SLFNL1: variants seen among roughly 807,000 people sequenced by gnomAD.
SLFNL1 encodes the protein schlafen like 1, also known as schlafen-like protein 1.
A neutral mutation model predicts 32.5 loss-of-function variants in SLFNL1; 26 were observed. The ratio of observed to expected loss-of-function variants is 0.80; its 90% CI spans 0.59 to 1.11. The LOEUF (loss-of-function observed/expected upper bound fraction) is 1.11. Among genes scored for constraint, SLFNL1 ranks in the 50% least tolerant of loss-of-function variants. The probability of loss-of-function intolerance (pLI) is 0.00; values close to 1 mark genes in which losing one functional copy is unlikely to be tolerated. For missense variants in SLFNL1, 553 were observed against 546.5 expected (o/e 1.01, Z -0.12); for synonymous variants, 255 against 242.2 (o/e 1.05, Z -0.49).
rs762865549 is a variant in SLFNL1 at position 41,017,563 on chromosome 1, G to C, written c.957+72C>G. 44 of 1,497,944 alleles carry C rather than the reference G, an allele frequency of 2.9e-5. No individual in the cohort carries two copies. The highest frequency in any genetic ancestry group is 3.8e-5 in the Non-Finnish European group (43 of 1,122,064). 92.8% of individuals were successfully genotyped at this position (1,497,944 alleles called of 1,614,324 possible). A position where few individuals can be genotyped will look rare whatever the true frequency, so the allele number is the denominator to read the frequency against. On this transcript the variant is annotated intron_variant, in intron 4 of 5. Coordinates refer to ENST00000302946, the MANE Select transcript of SLFNL1 (RefSeq NM_144990.4). The surrounding 1 kb of genome is among the most constrained non-coding windows in gnomAD (Gnocchi z 4.9). Reference sequence around the variant, plus strand: ...TCCCTGCCCCAGCACTGCCTGGCAGGAGTGCAGGCCATCGTCTTACTGAGT... The same window carrying C: ...TCCCTGCCCCAGCACTGCCTGGCAGCAGTGCAGGCCATCGTCTTACTGAGT...
intron 1 of SLFNL1, 127 bp from the exon 2 acceptor site, chr1:41,020,997 C>A: frequency 3.7e-6 from 1 of 270,208 alleles, no homozygotes; most frequent in Non-Finnish European, 7.1e-6. Context: ...ATTTCAGTGG[C>A]CCCAGGGGTC....
intron 3 of SLFNL1, among the ~76,000 whole-genome samples, chr1:41,019,407 C>T (rs540591243): frequency 1.3e-4 from 20 of 152,248 alleles, no homozygotes; most frequent in Admixed American, 1.3e-3. Context: ...GTGACCTATC[C>T]TAACGTCCCA....
Position 41,017,324 on chromosome 1 carries a change from G to C in SLFNL1, c.1011C>G (p.Tyr337Ter). 2 of 1,613,930 alleles carry C rather than the reference G, an allele frequency of 1.2e-6. No homozygotes were observed. Among genetic ancestry groups the C allele is most frequent in the Non-Finnish European group, 1.7e-6 (2 of 1,179,954 alleles). ...GAAACACCTCCCCCTGGTCTGTCTGGTAGAGTTGCGGCTGGCTCTGGGCCT... is the reference window on the plus strand; with the variant it reads ...GAAACACCTCCCCCTGGTCTGTCTGCTAGAGTTGCGGCTGGCTCTGGGCCT... ...TPKAQSQPQL[Y>*]QTDQGEVFLR... is the part of the protein sequence containing the mutation. Residue 337 changes from tyrosine (Y) to a stop codon, truncating the protein, a stop_gained, in exon 5 of 6, where the codon TAC becomes TAG. Coordinates refer to ENST00000302946, the MANE Select transcript of SLFNL1 (RefSeq NM_144990.4). LOFTEE classifies it high-confidence loss of function. This position sits in a 1 kb window ranked among gnomAD's most constrained non-coding sequence, Gnocchi z 4.9.
Position 41,020,310 on chromosome 1 carries a change from C to T in SLFNL1, c.351G>A (p.Glu117=), listed in dbSNP as rs199935090. 5.0e-6 allele frequency: 8 copies of T among 1,613,626 alleles called. No individual in the cohort carries two copies. The highest frequency in any genetic ancestry group is 6.8e-6 in the Non-Finnish European group (8 of 1,180,020). Residue 117 remains glutamate (E), a synonymous_variant, in exon 3 of 6, where the codon GAG becomes GAA. Coordinates refer to ENST00000302946, the MANE Select transcript of SLFNL1 (RefSeq NM_144990.4). ...CCAGCTCCTTGAGGATTAGGTGCTC[C>T]TCCAGGGCCGTCTGCAGGCGCCAGG... ...SLPWRLQTAL[E]EHLILKELAA...
rs150541088 is a variant in SLFNL1 at position 41,017,865 on chromosome 1, C to T, written c.727G>A (p.Val243Met). ...AGGAAGGCGCACACGTAGCGCCGCACGTGGTGCTTGAAGGCCAGGCTGAGG... is the reference window on the plus strand; with the variant it reads ...AGGAAGGCGCACACGTAGCGCCGCATGTGGTGCTTGAAGGCCAGGCTGAGG... ...EYLSLAFKHH[V>M]RRYVCAFLNS... The change falls in exon 4 of 6, where the codon GTG becomes ATG. Residue 243 changes from valine (V) to methionine (M), a missense_variant. By Grantham distance (21) the Val-to-Met change is conservative. Transcript: ENST00000302946. The surrounding 1 kb of genome is among the most constrained non-coding windows in gnomAD (Gnocchi z 4.9). The T allele has an allele frequency of 5.9e-5, 95 of 1,606,634 alleles. No homozygotes were observed. The East Asian group carries it at 1.5e-3, about 25-fold the overall frequency.
rs888762332 is a variant in SLFNL1, at chr1:41,015,956, T to G, written c.*150A>C. 9.3e-7 allele frequency: 1 copy of G among 1,077,880 alleles called. No individual in the cohort carries two copies. The allele number at this position is 1,077,880 out of a possible 1,614,324, so 66.8% of individuals were successfully genotyped here. ...TGGGTCTGTCAGGGTTGAAGCCACA[T>G]GGGTGCCTGCTCATGTGCCATGTTG... On this transcript the variant is annotated 3_prime_UTR_variant, in exon 6 of 6. Transcript: ENST00000302946.
At position 41,017,945 on chromosome 1, in the gene SLFNL1, G is replaced by C; in HGVS notation, c.647C>G (p.Ala216Gly). ...IVGKDQLFQG[A>G]FLGSETRNME... ...ATTGCGGGTCTCGCTGCCCAGGAAG[G>C]CACCCTGGAAGAGCTGGTCCTTGCC... is the stretch of plus-strand genomic sequence containing the variant. The change falls in exon 4 of 6, where the codon GCC becomes GGC. Residue 216 changes from alanine to glycine, a missense_variant. Transcript: ENST00000302946. The surrounding 1 kb of genome is among the most constrained non-coding windows in gnomAD (Gnocchi z 4.9). The C allele has an allele frequency of 1.2e-6, 2 of 1,612,116 alleles. No individual in the cohort carries two copies. The highest frequency in any genetic ancestry group is 1.3e-5 in the African/African-American group (1 of 75,054).
At chr1:41,019,445 A>G (rs1402960976) in intron 3 of SLFNL1, among the ~76,000 whole-genome samples, 3 of 152,126 alleles carry the variant, frequency 2.0e-5, no homozygotes. Flanking sequence ...CCAGCAGTTC[A>G]GCCTTGCCTT....
At chr1:41,020,136 C>G in intron 3 of SLFNL1, 90 bp downstream of exon 3, 1 of 1,338,398 alleles carries the variant, frequency 7.5e-7, no homozygotes, top group East Asian at 2.3e-5. Context: ...CCAGAGACAC[C>G]CCTCCATCCC....
chr1:41,020,146 CCA>C (rs1643718860), intron 3 of SLFNL1, 78 bp downstream of exon 3: 1 of 1,420,228 alleles, frequency 7.0e-7, no homozygotes, highest in African/African-American at 1.4e-5. Flanking sequence ...CCCTCCATCC[CCA>C]CTCTGCAGGC....
chr1:41,017,895 C>T lies in SLFNL1; in HGVS notation c.697G>A (p.Glu233Lys), dbSNP rs201917045. 511 of 1,610,616 alleles carry T rather than the reference C, an allele frequency of 3.2e-4. No individual in the cohort carries two copies. Among genetic ancestry groups the T allele is most frequent in the Non-Finnish European group, 4.2e-4 (498 of 1,178,004 alleles). ...RNMEFKRGSG[E>K]YLSLAFKHHV... ...TGCTTGAAGGCCAGGCTGAGGTACT[C>T]GCCGCTACCCCGCTTGAACTCCATA... The change falls in exon 4 of 6, where the codon GAG (glutamate) becomes AAG (lysine). Residue 233 changes from glutamate to lysine, a missense_variant. Coordinates refer to ENST00000302946, the MANE Select transcript of SLFNL1 (RefSeq NM_144990.4). This position sits in a 1 kb window ranked among gnomAD's most constrained non-coding sequence, Gnocchi z 4.9.
chr1:41,017,295 C>T lies in SLFNL1; in HGVS notation c.1040G>A (p.Arg347Gln), dbSNP rs374565633. The T allele has an allele frequency of 2.4e-5, 38 of 1,612,744 alleles. No individual in the cohort carries two copies. The highest frequency in any genetic ancestry group is 7.7e-5 in the South Asian group (7 of 90,860). Residue 347 changes from arginine to glutamine, a missense_variant, in exon 5 of 6, where the codon CGG becomes CAG. Coordinates refer to ENST00000302946, the MANE Select transcript of SLFNL1 (RefSeq NM_144990.4). The surrounding 1 kb of genome is among the most constrained non-coding windows in gnomAD (Gnocchi z 4.9). ...YQTDQGEVFL[R>Q]RDGSIQGPLS... ...CGGGCCCTGGATGCTCCCGTCGCGCCGCAGAAACACCTCCCCCTGGTCTGT... is the reference window on the plus strand; with the variant it reads ...CGGGCCCTGGATGCTCCCGTCGCGCTGCAGAAACACCTCCCCCTGGTCTGT...
At position 41,020,568 on chromosome 1, in the gene SLFNL1, C is replaced by T. The variant is rs1290023989; in HGVS notation, c.93G>A (p.Glu31=). 2 of 1,613,414 alleles carry T rather than the reference C, an allele frequency of 1.2e-6. No homozygotes were observed. Among genetic ancestry groups the T allele is most frequent in the African/African-American group, 1.3e-5 (1 of 74,928 alleles). The change falls in exon 3 of 6, where the codon GAG becomes GAA. Residue 31 remains glutamate, a synonymous_variant. Transcript: ENST00000302946. ...GEESLPELPA[E]QSLTEYSDLE... is the part of the protein sequence containing the mutation. ...GGTCAGAGTACTCCGTCAGGGACTGCTCTGCGGGTAGCTCCGGCAGGGACT... is the reference window on the plus strand; with the variant it reads ...GGTCAGAGTACTCCGTCAGGGACTGTTCTGCGGGTAGCTCCGGCAGGGACT...
rs1157977676 is a variant in SLFNL1 at position 41,020,307 on chromosome 1, C to T, written c.354G>A (p.Glu118=). Residue 118 remains glutamate, a synonymous_variant, in exon 3 of 6, where the codon GAG becomes GAA. Transcript: ENST00000302946. ...CTGCCAGCTCCTTGAGGATTAGGTG[C>T]TCCTCCAGGGCCGTCTGCAGGCGCC... is the stretch of plus-strand genomic sequence containing the variant. ...LPWRLQTALE[E]HLILKELAAR... 6.2e-7 allele frequency: 1 copy of T among 1,613,560 alleles called. No homozygotes were observed. Among genetic ancestry groups the T allele is most frequent in the Non-Finnish European group, 8.5e-7 (1 of 1,179,972 alleles).
At chr1:41,018,989 G>A (rs1388665081) in intron 3 of SLFNL1, among the ~76,000 whole-genome samples, 3 of 151,802 alleles carry the variant, frequency 2.0e-5, no homozygotes, top group African/African-American at 4.8e-5. Flanking sequence ...ACAGGGGCCC[G>A]CCACCACGCC....
Position 41,016,141 on chromosome 1 carries a change from G to A in SLFNL1, c.1189C>T (p.His397Tyr). ...CAGCAGGTGCAGGACACAGGCCCGT[G>A]CTGCTGCAGCTGCTGCTGGAGCTGC... Reference protein sequence around the residue: ...KEQLQQQLQQHGPVSCTCCVL With the variant: ...KEQLQQQLQQYGPVSCTCCVL The change falls in exon 6 of 6, where the codon CAC (histidine) becomes TAC (tyrosine). Residue 397 changes from histidine (H) to tyrosine (Y), a missense_variant. His to Tyr is a moderately conservative substitution (Grantham distance 83). Transcript: ENST00000302946. 2 of 1,614,134 alleles carry A rather than the reference G, an allele frequency of 1.2e-6. No homozygotes were observed. The highest frequency in any genetic ancestry group is 1.7e-6 in the Non-Finnish European group (2 of 1,179,990).
intron 3 of SLFNL1, among the ~76,000 whole-genome samples, chr1:41,019,741 C>CA (rs1475282060): frequency 1.3e-5 from 2 of 152,236 alleles, no homozygotes; most frequent in South Asian, 2.1e-4. Context: ...TGTCTTCTCT[C>CA]ACAGCTCTGA....
At chr1:41,018,369 G>A (rs937712787) in intron 3 of SLFNL1, 23 of 471,302 alleles carry the variant, frequency 4.9e-5, no homozygotes, top group Middle Eastern at 5.4e-4. Context: ...TCCAGTCAGC[G>A]CTCCTTTCCC....
At position 41,018,110 on chromosome 1, in the gene SLFNL1, C is replaced by G. The variant is rs1425870850; in HGVS notation, c.482G>C (p.Ser161Thr). 1.3e-6 allele frequency: 2 copies of G among 1,539,886 alleles called. No homozygotes were observed. Among genetic ancestry groups the G allele is most frequent in the Non-Finnish European group, 1.8e-6 (2 of 1,136,964 alleles). The change falls in exon 4 of 6, where the codon AGT becomes ACT. Residue 161 changes from serine (S) to threonine (T), a missense_variant. By Grantham distance (58) the Ser-to-Thr change is moderately conservative. Transcript: ENST00000302946. ...EEDSGLSPGP[S>T]PGSGVPLPTW... Reference sequence around the variant, plus strand: ...GGGCAGCGGGACACCAGAGCCTGGACTGGGGCCAGGGCTCAGGCCACTGTC... The same window carrying G: ...GGGCAGCGGGACACCAGAGCCTGGAGTGGGGCCAGGGCTCAGGCCACTGTC...
Sources: gnomAD v4.1 joint callset for allele counts (sites outside exome capture counted in the v4.1 genomes callset) on GRCh38, gnomAD v4.1.1 for gene constraint, Gnocchi (gnomAD v3.1) non-coding constraint, MANE v1.5 for transcripts, NCBI Gene and HGNC (gene_info 2026-07-23, HGNC 2026-07-21) for gene names.